The following CCDC116 variants were observed in gnomAD, a reference collection of about 807,000 sequenced individuals.
CCDC116 encodes the protein coiled-coil domain-containing protein 116.
CCDC116 carries 24 observed loss-of-function variants against 29.4 expected under a neutral mutation model. The ratio of observed to expected loss-of-function variants is 0.82; its 90% CI spans 0.59 to 1.15. The LOEUF is 1.15. Among genes scored for constraint, CCDC116 ranks in the 50% most tolerant of loss-of-function variants. The pLI, the probability that CCDC116 is intolerant of heterozygous loss-of-function variation, is 0.00. For synonymous variants in CCDC116, 298 were observed against 331.4 expected, an observed-to-expected ratio of 0.90 and a Z score of 1.10; for missense variants, 791 against 804.0, an observed-to-expected ratio of 0.98 and a Z score of 0.20.
rs1930816191 is a variant in CCDC116, at chr22:21,636,661, G to C, written c.1433G>C (p.Gly478Ala). 6.2e-7 allele frequency: 1 copy of C among 1,613,930 alleles called. No homozygotes were observed. The highest frequency in any genetic ancestry group is 1.1e-5 in the South Asian group (1 of 91,088). Reference protein sequence around the residue: ...ITHVLRDLSLGLKKVKGSRIH... With the variant: ...ITHVLRDLSLALKKVKGSRIH... ...CACGTGCTCAGGGACCTTTCCCTGG[G>C]CTTAAAGAAGGTAAAAGGCTCCCGC... The change falls in exon 5 of 5, where the codon GGC becomes GCC. Residue 478 changes from glycine (G) to alanine (A), a missense_variant. Physicochemically the swap from Gly to Ala is moderately conservative, Grantham distance 60. Transcript: ENST00000292779.
At position 21,632,787 on chromosome 22, in the gene CCDC116, G is replaced by T. The variant is rs1380086810; in HGVS notation, c.-103G>T. ...ACTGTGCAGCTGCTCCAGTGAGGGC[G>T]CAGACTGTACTGGCCTGTGCGGAGC... On this transcript the variant is annotated 5_prime_UTR_variant, in exon 1 of 5. Coordinates refer to ENST00000292779, the MANE Select transcript of CCDC116 (RefSeq NM_152612.3). 2.7e-6 allele frequency: 1 copy of T among 364,808 alleles called. No homozygotes were observed. Among genetic ancestry groups the T allele is most frequent in the Non-Finnish European group, 5.4e-6 (1 of 186,750 alleles). 22.6% of individuals were successfully genotyped at this position (364,808 alleles called of 1,614,324 possible). A position where few individuals can be genotyped will look rare whatever the true frequency, so the allele number is the denominator to read the frequency against.
Position 21,635,195 on chromosome 22 carries a change from A to G in CCDC116, c.1132A>G (p.Arg378Gly). The G allele has an allele frequency of 6.2e-7, 1 of 1,600,330 alleles. No homozygotes were observed. The highest frequency in any genetic ancestry group is 8.5e-7 in the Non-Finnish European group (1 of 1,179,930). The change falls in exon 4 of 5, where the codon AGA becomes GGA. Residue 378 changes from arginine to glycine, a missense_variant. By Grantham distance (125) the Arg-to-Gly change is moderately radical. Coordinates refer to ENST00000292779, the MANE Select transcript of CCDC116 (RefSeq NM_152612.3). Reference sequence around the variant, plus strand: ...AGTCTCCAGCCCCAAGATGCTTCAGAGAAAACGCAAGGACAGAGGAGGCTC... The same window carrying G: ...AGTCTCCAGCCCCAAGATGCTTCAGGGAAAACGCAAGGACAGAGGAGGCTC... ...PTVSSPKMLQRKRKDRGGSPS... is the reference protein window; with the variant it reads ...PTVSSPKMLQGKRKDRGGSPS...
In CCDC116 at chr22:21,636,859, G is replaced by A. The variant is rs370468102; in HGVS notation, c.1631G>A (p.Arg544His). The change falls in exon 5 of 5, where the codon CGC becomes CAC. Residue 544 changes from arginine (R) to histidine (H), a missense_variant. By Grantham distance (29) the Arg-to-His change is conservative. Coordinates refer to ENST00000292779, the MANE Select transcript of CCDC116 (RefSeq NM_152612.3). ...CAGGACCAGGCCACAGAGCCCTGCC[G>A]CTCCCTCTACACCAACTTGCCAGCC... ...TAQDQATEPC[R>H]SLYTNLPASR... 162 of 1,613,370 alleles carry A rather than the reference G, an allele frequency of 1.0e-4. 1 individual carries two copies. The African/African-American group carries it at 1.5e-3, about 15-fold the overall frequency.
chr22:21,635,505 G>T (rs748706599), intron 4 of CCDC116: 5 of 702,936 alleles, frequency 7.1e-6, no homozygotes, highest in Admixed American at 2.0e-5. Context: ...CCCTACCCCC[G>T]CTCTTCCTGC....
intron 2 of CCDC116, 74 bp downstream of exon 2, chr22:21,633,327 C>T: frequency 3.3e-6 from 4 of 1,203,688 alleles, no homozygotes; most frequent in South Asian, 2.8e-5. Context: ...CCCAAGACCA[C>T]AACCCCCATT....
intron 3 of CCDC116, 38 bp from the exon 4 acceptor site, chr22:21,634,647 G>T (rs1930705893): frequency 1.9e-6 from 3 of 1,569,070 alleles, no homozygotes; most frequent in Non-Finnish European, 2.6e-6. Context: ...TGGCTTGGCT[G>T]CTCCTGAACA....
intron 4 of CCDC116, chr22:21,635,934 G>A (rs1410547584): frequency 2.5e-6 from 1 of 394,226 alleles, no homozygotes; most frequent in Non-Finnish European, 4.6e-6. Context: ...GAATCCAGCT[G>A]CCTCGAGCAG....
intron 4 of CCDC116, 138 bp downstream of exon 4, chr22:21,635,404 G>T: frequency 1.2e-6 from 1 of 826,836 alleles, no homozygotes; most frequent in East Asian, 2.6e-5. Context: ...GGCAGGGCCT[G>T]CACCTCACCC....
chr22:21,637,165 C>A lies in CCDC116; in HGVS notation c.*95C>A. The A allele has an allele frequency of 2.1e-6, 3 of 1,454,488 alleles. No homozygotes were observed. Among genetic ancestry groups the A allele is most frequent in the East Asian group, 2.5e-5 (1 of 40,202 alleles). 90.1% of individuals were successfully genotyped at this position (1,454,488 alleles called of 1,614,324 possible). A position where few individuals can be genotyped will look rare whatever the true frequency, so the allele number is the denominator to read the frequency against. On this transcript the variant is annotated 3_prime_UTR_variant, in exon 5 of 5. Transcript: ENST00000292779. ...TGAAGTCCCCACTAGCCACTCGATT[C>A]CCTGCTCTGTCAGAGTTGCTGCACA...
At position 21,634,336 on chromosome 22, in the gene CCDC116, C is replaced by A. The variant is rs1190703821; in HGVS notation, c.387C>A (p.Ser129Arg). 1.2e-6 allele frequency: 2 copies of A among 1,612,516 alleles called. No individual in the cohort carries two copies. Among genetic ancestry groups the A allele is most frequent in the South Asian group, 2.2e-5 (2 of 90,998 alleles). ...SGGRRAHARP[S>R]LSTVHRHRVR... ...GACGGCGGGCACATGCCCGGCCCAG[C>A]CTCAGCACCGTACACCGGCACCGTG... Residue 129 changes from serine (S) to arginine (R), a missense_variant, in exon 3 of 5, where the codon AGC becomes AGA. Transcript: ENST00000292779.
In CCDC116 at chr22:21,636,864, C is replaced by T. The variant is rs747057391; in HGVS notation, c.1636C>T (p.Leu546Phe). The T allele has an allele frequency of 1.1e-5, 17 of 1,613,588 alleles. No individual in the cohort carries two copies. The East Asian group carries it at 3.3e-4, about 32-fold the overall frequency. ...CCAGGCCACAGAGCCCTGCCGCTCC[C>T]TCTACACCAACTTGCCAGCCAGCCG... Reference protein sequence around the residue: ...QDQATEPCRSLYTNLPASRQL... With the variant: ...QDQATEPCRSFYTNLPASRQL... The change falls in exon 5 of 5, where the codon CTC (leucine) becomes TTC (phenylalanine). Residue 546 changes from leucine (L) to phenylalanine (F), a missense_variant. Transcript: ENST00000292779.
chr22:21,636,752 C>G lies in CCDC116; in HGVS notation c.1524C>G (p.Ala508=), dbSNP rs766880681. The G allele has an allele frequency of 1.2e-6, 2 of 1,612,798 alleles. No individual in the cohort carries two copies. Among genetic ancestry groups the G allele is most frequent in the Non-Finnish European group, 1.7e-6 (2 of 1,180,010 alleles). Reference sequence around the variant, plus strand: ...GTAAACTGGAGGAGTCCAAAAGGGCCCGGCAGGCCTCCCGGCTCAGCACCT... The same window carrying G: ...GTAAACTGGAGGAGTCCAAAAGGGCGCGGCAGGCCTCCCGGCTCAGCACCT... The part of the protein sequence containing the change: ...LLRKLEESKR[A]RQASRLSTSH... Residue 508 remains alanine, a synonymous_variant, in exon 5 of 5, where the codon GCC becomes GCG. Coordinates refer to ENST00000292779, the MANE Select transcript of CCDC116 (RefSeq NM_152612.3).
At position 21,637,036 on chromosome 22, in the gene CCDC116, A is replaced by T. The variant is rs1338101213; in HGVS notation, c.1808A>T (p.Asp603Val). The T allele has an allele frequency of 1.9e-6, 3 of 1,612,998 alleles. No homozygotes were observed. ...DEDEDEFKDE[D>V]QDEDKDEDGV ...GATGAGGATGAGTTCAAGGATGAAGACCAGGATGAGGACAAGGATGAGGAT... is the reference window on the plus strand; with the variant it reads ...GATGAGGATGAGTTCAAGGATGAAGTCCAGGATGAGGACAAGGATGAGGAT... Residue 603 changes from aspartate to valine, a missense_variant, in exon 5 of 5, where the codon GAC becomes GTC. By Grantham distance (152) the Asp-to-Val change is radical. Coordinates refer to ENST00000292779, the MANE Select transcript of CCDC116 (RefSeq NM_152612.3).
chr22:21,632,953 A>G (rs771621127), intron 1 of CCDC116, 126 bp downstream of exon 1: 3 of 691,364 alleles, frequency 4.3e-6, no homozygotes, highest in Non-Finnish European at 8.2e-6. Flanking sequence ...TTCCACCCCG[A>G]TGACTCTGGA....
chr22:21,636,976 A>C lies in CCDC116; in HGVS notation c.1748A>C (p.Asn583Thr). 6.2e-7 allele frequency: 1 copy of C among 1,613,768 alleles called. No individual in the cohort carries two copies. The highest frequency in any genetic ancestry group is 1.3e-5 in the African/African-American group (1 of 75,080). ...CCCCCCAAGTCCAAGGACATGGACA[A>C]TGAGGGCCGTGATAAAGCCGAGATT... The part of the protein sequence containing the change: ...SSPPKSKDMD[N>T]EGRDKAEIED... The change falls in exon 5 of 5, where the codon AAT becomes ACT. Residue 583 changes from asparagine to threonine, a missense_variant. By Grantham distance (65) the Asn-to-Thr change is moderately conservative. Coordinates refer to ENST00000292779, the MANE Select transcript of CCDC116 (RefSeq NM_152612.3).
chr22:21,634,339 C>G lies in CCDC116; in HGVS notation c.390C>G (p.Leu130=), dbSNP rs1258590087. ...GGRRAHARPS[L]STVHRHRVRP... ...GGCGGGCACATGCCCGGCCCAGCCT[C>G]AGCACCGTACACCGGCACCGTGTAC... The change falls in exon 3 of 5, where the codon CTC becomes CTG. Residue 130 remains leucine (L), a synonymous_variant. Coordinates refer to ENST00000292779, the MANE Select transcript of CCDC116 (RefSeq NM_152612.3). 4 of 1,612,440 alleles carry G rather than the reference C, an allele frequency of 2.5e-6. No homozygotes were observed. In the Admixed American group the frequency reaches 6.7e-5, roughly 27 times the overall value.
At chr22:21,633,284 G>A in intron 2 of CCDC116, 31 bp downstream of exon 2, 2 of 1,516,438 alleles carry the variant, frequency 1.3e-6, no homozygotes, top group African/African-American at 1.4e-5. Context: ...GCCGACCCTT[G>A]AGGCCACAAC....
Position 21,633,117 on chromosome 22 carries a change from CAG to C in CCDC116, c.-60_-59del. Reference sequence around the variant, plus strand: ...CCTCAGGTTGTCTCCCCACCCCACGCAGAGAGGAATGCGCAGCTGAAGAGAGA... The same window carrying C: ...CCTCAGGTTGTCTCCCCACCCCACGCAGAGGAATGCGCAGCTGAAGAGAGA... On this transcript the variant is annotated splice_acceptor_variant, in intron 1 of 4. Coordinates refer to ENST00000292779, the MANE Select transcript of CCDC116 (RefSeq NM_152612.3). LOFTEE classifies it low-confidence loss of function (5UTR_SPLICE). 2 of 1,349,972 alleles carry C rather than the reference CAG, an allele frequency of 1.5e-6. No homozygotes were observed. The highest frequency in any genetic ancestry group is 2.1e-6 in the Non-Finnish European group (2 of 963,906). 83.6% of individuals were successfully genotyped at this position (1,349,972 alleles called of 1,614,324 possible). A position where few individuals can be genotyped will look rare whatever the true frequency, so the allele number is the denominator to read the frequency against.
intron 2 of CCDC116, among the ~76,000 whole-genome samples, chr22:21,633,567 C>T (rs1204016010): frequency 6.6e-6 from 1 of 152,160 alleles, no homozygotes; most frequent in Non-Finnish European, 1.5e-5. Context: ...TAGCACAGGG[C>T]TCAAGACCTC....
Sources: gnomAD v4.1 joint callset for allele counts (sites outside exome capture counted in the v4.1 genomes callset) on GRCh38, gnomAD v4.1.1 for gene constraint, MANE v1.5 for transcripts, NCBI Gene and HGNC (gene_info 2026-07-23, HGNC 2026-07-21) for gene names.